Variants in QTMAN observed in about 807,000 individuals in gnomAD.
QTMAN encodes the protein queuosine-tRNA mannosyltransferase.
the QTMAN span, among the ~76,000 whole-genome samples, chr2:144,119,101 G>A: frequency 6.6e-6 from 1 of 152,148 alleles, no homozygotes; most frequent in South Asian, 2.1e-4. Flanking sequence ...AGACCAGATA[G>A]ATGAATAGTA....
the QTMAN span, among the ~76,000 whole-genome samples, chr2:144,246,823 T>G: frequency 6.6e-6 from 1 of 152,134 alleles, no homozygotes; most frequent in Non-Finnish European, 1.5e-5. Context: ...AAATATGACA[T>G]CCTTATACCC....
the QTMAN span, among the ~76,000 whole-genome samples, chr2:144,155,490 T>C: frequency 1.3e-5 from 2 of 152,192 alleles, no homozygotes; most frequent in Admixed American, 6.5e-5. Flanking sequence ...TACAAGACTA[T>C]TCCTTAAAAG....
chr2:144,096,684 T>C, the QTMAN span, among the ~76,000 whole-genome samples: 22 of 152,350 alleles, frequency 1.4e-4, no homozygotes, highest in African/African-American at 5.1e-4. Flanking sequence ...AGTGCTCTTC[T>C]CTGTCACATG....
At chr2:144,144,044 G>A in the QTMAN span, among the ~76,000 whole-genome samples, 1 of 151,918 alleles carries the variant, frequency 6.6e-6, no homozygotes, top group East Asian at 1.9e-4. Context: ...GCCAACTGAT[G>A]ATGAAGTACA....
chr2:144,027,698 TAG>T, the QTMAN span, among the ~76,000 whole-genome samples: 1 of 152,202 alleles, frequency 6.6e-6, no homozygotes, highest in African/African-American at 2.4e-5. Context: ...TGCATTTGGA[TAG>T]AGTTATAGCA....
chr2:144,107,182 T>A, the QTMAN span, among the ~76,000 whole-genome samples: 1 of 151,828 alleles, frequency 6.6e-6, no homozygotes, highest in Admixed American at 6.6e-5. Flanking sequence ...CACCCTAACA[T>A]CACAATTAAA....
chr2:144,047,813 A>T, the QTMAN span, among the ~76,000 whole-genome samples: 1 of 152,250 alleles, frequency 6.6e-6, no homozygotes, highest in Admixed American at 6.5e-5. Context: ...CATACTTCAC[A>T]TTGTTGAAGT....
At chr2:144,123,078 C>T in the QTMAN span, among the ~76,000 whole-genome samples, 97 of 152,056 alleles carry the variant, frequency 6.4e-4, no homozygotes, top group African/African-American at 2.3e-3. Context: ...AATTAGATTA[C>T]TTATCAATTA....
chr2:144,182,829 A>ATATAATATATATATTATATATATTT, the QTMAN span, among the ~76,000 whole-genome samples: 31 of 61,176 alleles, frequency 5.1e-4, no homozygotes, highest in African/African-American at 2.0e-3. Context: ...TATATATATA[A>ATATAATATATATATTATATATATTT]TATATATATA....
the QTMAN span, among the ~76,000 whole-genome samples, chr2:144,082,567 G>A: frequency 6.6e-6 from 1 of 151,884 alleles, no homozygotes; most frequent in South Asian, 2.1e-4. Context: ...TAAAGCAGAA[G>A]TACAAAAAGG....
At chr2:144,252,223 A>C in the QTMAN span, among the ~76,000 whole-genome samples, 4 of 151,982 alleles carry the variant, frequency 2.6e-5, no homozygotes, top group Non-Finnish European at 5.9e-5. Context: ...ATTTGAAAAA[A>C]GATTAGCCAA....
the QTMAN span, among the ~76,000 whole-genome samples, chr2:144,042,792 A>T: frequency 6.6e-6 from 1 of 151,912 alleles, no homozygotes; most frequent in Non-Finnish European, 1.5e-5. Flanking sequence ...AGATAATACA[A>T]ATAAATAAAC....
the QTMAN span, among the ~76,000 whole-genome samples, chr2:144,133,421 TATATATAATATATAATATATA>T: frequency 2.7e-4 from 15 of 54,820 alleles, no homozygotes; most frequent in East Asian, 1.8e-3. Flanking sequence ...TTATATATAA[TATATATAATATATAATATATA>T]ATATATAATA....
At chr2:144,210,934 G>A in the QTMAN span, 1 of 152,022 alleles carries the variant, frequency 6.6e-6, no homozygotes, top group Non-Finnish European at 1.5e-5. Context: ...GTCTCTAAAA[G>A]GCTCTTGTAA....
the QTMAN span, among the ~76,000 whole-genome samples, chr2:144,332,104 A>G: frequency 6.6e-6 from 1 of 152,204 alleles, no homozygotes; most frequent in Non-Finnish European, 1.5e-5. Context: ...GCAGAAAACC[A>G]GCACGCACGA....
chr2:144,226,376 A>C, the QTMAN span, among the ~76,000 whole-genome samples: 1 of 152,342 alleles, frequency 6.6e-6, no homozygotes, highest in South Asian at 2.1e-4. Context: ...CTAATATTTT[A>C]CATGCACTTT....
chr2:144,115,119 T>C, the QTMAN span, among the ~76,000 whole-genome samples: 1 of 151,974 alleles, frequency 6.6e-6, no homozygotes, highest in Non-Finnish European at 1.5e-5. Context: ...TACTCCCAGC[T>C]ACTCTGGAGG....
chr2:144,092,868 GGGGTGTGT>G, the QTMAN span, among the ~76,000 whole-genome samples: 260 of 89,488 alleles, frequency 2.9e-3, 3 homozygotes, highest in African/African-American at 0.015. Flanking sequence ...ATAAACTTTT[GGGGTGTGT>G]GTGTGTGTGT....
At chr2:144,153,864 T>C in the QTMAN span, among the ~76,000 whole-genome samples, 1 of 152,180 alleles carries the variant, frequency 6.6e-6, no homozygotes, top group African/African-American at 2.4e-5. Context: ...CACACATCAC[T>C]ACCACCACCC....
Sources: gnomAD v4.1 joint callset for allele counts (sites outside exome capture counted in the v4.1 genomes callset) on GRCh38, gnomAD v4.1.1 for gene constraint, MANE v1.5 for transcripts, NCBI Gene and HGNC (gene_info 2026-07-23, HGNC 2026-07-21) for gene names.